Variants in CCSER1 observed in about 807,000 individuals in gnomAD.
The protein encoded by CCSER1 is coiled-coil serine rich protein 1, also known as serine-rich coiled-coil domain-containing protein 1.
Under a neutral mutation model 82.0 loss-of-function variants are expected in CCSER1, and 41 were observed. The ratio of observed to expected loss-of-function variants is 0.50; its 90% CI spans 0.39 to 0.65. The LOEUF (loss-of-function observed/expected upper bound fraction) is 0.65. Among genes scored for constraint, CCSER1 ranks in the 30% least tolerant of loss-of-function variants. The probability of loss-of-function intolerance (pLI) is 0.00; values close to 1 mark genes in which losing one functional copy is unlikely to be tolerated. For synonymous variants in CCSER1, 414 were observed against 383.9 expected (o/e 1.08, Z -0.92); for missense variants, 1,119 against 1,064.2 (o/e 1.05, Z -0.72).
intron 9 of CCSER1, among the ~76,000 whole-genome samples, chr4:91,047,559 T>C (rs1306909438): frequency 2.0e-5 from 3 of 152,176 alleles, no homozygotes; most frequent in African/African-American, 7.2e-5. Context: ...CATTTCTGAT[T>C]ACTTGCAATT....
chr4:91,292,900 ATC>A (rs1743864074), intron 10 of CCSER1, among the ~76,000 whole-genome samples: 1 of 151,916 alleles, frequency 6.6e-6, no homozygotes, highest in Admixed American at 6.6e-5. Flanking sequence ...TCTCATTATG[ATC>A]TGTTATCTCC....
At chr4:91,211,234 G>T (rs1736796258) in intron 10 of CCSER1, among the ~76,000 whole-genome samples, 1 of 151,970 alleles carries the variant, frequency 6.6e-6, no homozygotes, top group African/African-American at 2.4e-5. Context: ...GATGATGGTG[G>T]CTTGAACTAG....
At chr4:91,512,273 G>A (rs193277854) in intron 10 of CCSER1, among the ~76,000 whole-genome samples, 12 of 152,306 alleles carry the variant, frequency 7.9e-5, no homozygotes, top group Admixed American at 2.6e-4. Flanking sequence ...TCAACTGCCA[G>A]TGTGATTAGA....
intron 1 of CCSER1, among the ~76,000 whole-genome samples, chr4:90,182,878 A>G (rs1230729029): frequency 6.6e-6 from 1 of 151,842 alleles, no homozygotes; most frequent in African/African-American, 2.4e-5. Flanking sequence ...TATTACCTTT[A>G]TTTTTTTACT....
rs982729135 is a variant in CCSER1, at chr4:91,518,303, G to A, written c.2218-80269G>A. Reference sequence around the variant, plus strand: ...GCTATTGGCTCATGATGGAGCAGCCGCTCTGTGGGCCCAAGCTGGGGAGGA... The same window carrying A: ...GCTATTGGCTCATGATGGAGCAGCCACTCTGTGGGCCCAAGCTGGGGAGGA... On this transcript the variant is annotated intron_variant, in intron 10 of 10. Coordinates refer to ENST00000509176, the MANE Select transcript of CCSER1 (RefSeq NM_001145065.2). Among the ~76,000 whole-genome samples the A allele has an allele frequency of 7.2e-5, 11 of 152,154 alleles. No homozygotes were observed. The East Asian group carries it at 7.7e-4, about 11-fold the overall frequency.
intron 9 of CCSER1, among the ~76,000 whole-genome samples, chr4:91,082,606 C>T (rs1004367588): frequency 6.6e-5 from 10 of 152,172 alleles, no homozygotes; most frequent in African/African-American, 2.4e-4. Context: ...AAGAAACTAC[C>T]ATCAGAGTGA....
chr4:90,405,230 G>A (rs1433054756), intron 4 of CCSER1, among the ~76,000 whole-genome samples: 4 of 151,950 alleles, frequency 2.6e-5, no homozygotes, highest in African/African-American at 4.8e-5. Context: ...GAAAGCTTCA[G>A]CAATAGAATC....
intron 9 of CCSER1, among the ~76,000 whole-genome samples, chr4:91,044,937 C>G (rs550529666): frequency 3.2e-4 from 48 of 152,228 alleles, no homozygotes; most frequent in Admixed American, 6.5e-4. Context: ...TGTGTCTTGT[C>G]TGTTTTGTAA....
At chr4:91,036,860 G>C (rs1345931643) in intron 9 of CCSER1, among the ~76,000 whole-genome samples, 2 of 151,982 alleles carry the variant, frequency 1.3e-5, no homozygotes, top group Non-Finnish European at 2.9e-5. Context: ...AGGTGGGTCA[G>C]TTGAGGTCAG....
At chr4:90,807,200 A>G (rs977684987) in intron 7 of CCSER1, among the ~76,000 whole-genome samples, 1 of 152,162 alleles carries the variant, frequency 6.6e-6, no homozygotes, top group African/African-American at 2.4e-5. Context: ...TGTAAGAATC[A>G]TGATTATTAT....
chr4:91,213,289 G>A (rs900111537), intron 10 of CCSER1, among the ~76,000 whole-genome samples: 36 of 151,556 alleles, frequency 2.4e-4, no homozygotes, highest in African/African-American at 8.5e-4. Context: ...ACTTTGTTTT[G>A]TTCTAGGGAC....
rs186151350 is a variant in CCSER1 at position 91,538,167 on chromosome 4, C to T, written c.2218-60405C>T. Among the ~76,000 whole-genome samples the T allele has an allele frequency of 1.5e-3, 227 of 151,984 alleles. 2 individuals carry two copies. Among genetic ancestry groups the T allele is most frequent in the African/African-American group, 5.2e-3 (216 of 41,482 alleles). ...TTTACTCTAATGAAAGAAATTCTTT[C>T]CTTGTAAATAACATTCGTATGTATG... is the stretch of plus-strand genomic sequence containing the variant. On this transcript the variant is annotated intron_variant, in intron 10 of 10. Transcript: ENST00000509176.
Position 90,929,731 on chromosome 4 carries a change from G to A in CCSER1, c.2172+6284G>A, listed in dbSNP as rs114375488. On this transcript the variant is annotated intron_variant, in intron 9 of 10. Coordinates refer to ENST00000509176, the MANE Select transcript of CCSER1 (RefSeq NM_001145065.2). ...TCATTAAGATGAAACAGCACACGAGGATGGGGAGAGAATGAGTTGTTGCTG... is the reference window on the plus strand; with the variant it reads ...TCATTAAGATGAAACAGCACACGAGAATGGGGAGAGAATGAGTTGTTGCTG... 6.3e-3 allele frequency among the ~76,000 whole-genome samples: 955 copies of A among 152,306 alleles called. 6 individuals are homozygous for A. Among genetic ancestry groups the A allele is most frequent in the African/African-American group, 0.021 (859 of 41,566 alleles).
At chr4:91,409,828 G>A (rs374234978) in intron 10 of CCSER1, among the ~76,000 whole-genome samples, 136 of 152,130 alleles carry the variant, frequency 8.9e-4, no homozygotes, top group African/African-American at 3.1e-3. Context: ...GATCACAGGC[G>A]CCTGCCACCA....
At chr4:90,782,902 G>A (rs1429841749) in intron 7 of CCSER1, among the ~76,000 whole-genome samples, 2 of 148,688 alleles carry the variant, frequency 1.3e-5, no homozygotes, top group Middle Eastern at 3.5e-3. Context: ...GGATGGTCTC[G>A]ATCTCCTGTG....
chr4:91,504,551 A>T (rs1029778155), intron 10 of CCSER1, among the ~76,000 whole-genome samples: 4 of 152,144 alleles, frequency 2.6e-5, no homozygotes, highest in Admixed American at 6.5e-5. Flanking sequence ...ATTTCATTAT[A>T]TCATCACATA....
intron 7 of CCSER1, among the ~76,000 whole-genome samples, chr4:90,784,989 G>C (rs1366156658): frequency 6.6e-6 from 1 of 152,080 alleles, no homozygotes; most frequent in Non-Finnish European, 1.5e-5. Flanking sequence ...AAGATGAAGG[G>C]TTGGCCTTGC....
At chr4:90,548,971 T>C (rs1777128509) in intron 5 of CCSER1, among the ~76,000 whole-genome samples, 1 of 152,098 alleles carries the variant, frequency 6.6e-6, no homozygotes, top group Admixed American at 6.6e-5. Flanking sequence ...ACCAAGAATT[T>C]GCTAGCCAAA....
At chr4:90,940,077 CAA>C (rs1731410645) in intron 9 of CCSER1, among the ~76,000 whole-genome samples, 1 of 152,056 alleles carries the variant, frequency 6.6e-6, no homozygotes, top group African/African-American at 2.4e-5. Context: ...AGCAAGAATT[CAA>C]TTGAAGATCT....
Sources: gnomAD v4.1 joint callset for allele counts (sites outside exome capture counted in the v4.1 genomes callset) on GRCh38, gnomAD v4.1.1 for gene constraint, MANE v1.5 for transcripts, NCBI Gene and HGNC (gene_info 2026-07-23, HGNC 2026-07-21) for gene names.